Variants in MTMR12 observed in about 807,000 individuals in gnomAD.
MTMR12 encodes the protein myotubularin-related protein 12.
In MTMR12, 33 loss-of-function variants were observed where a neutral mutation model predicts 96.7. That is an observed-to-expected ratio of 0.34 (90% CI 0.26 to 0.46). MTMR12 has a LOEUF of 0.46. Among genes scored for constraint, MTMR12 ranks in the 20% least tolerant of loss-of-function variants. The probability of loss-of-function intolerance (pLI) is 1.00; values close to 1 mark genes in which losing one functional copy is unlikely to be tolerated. For missense variants in MTMR12, 721 were observed against 896.1 expected (o/e 0.80, Z 2.49); for synonymous variants, 298 against 327.2 (o/e 0.91, Z 0.96).
intron 1 of MTMR12, among the ~76,000 whole-genome samples, chr5:32,306,694 T>C (rs1283700150): frequency 6.6e-6 from 1 of 152,222 alleles, no homozygotes; most frequent in Non-Finnish European, 1.5e-5. Context: ...AGAGAGTTTT[T>C]ATCTCTGTTC....
chr5:32,241,972 T>G, intron 12 of MTMR12, 85 bp downstream of exon 12: 2 of 1,147,406 alleles, frequency 1.7e-6, no homozygotes, highest in Non-Finnish European at 2.6e-6. Flanking sequence ...TCCTTTTGTT[T>G]CCAAATACAT....
Position 32,228,918 on chromosome 5 carries a change from G to A in MTMR12, c.*860C>T, listed in dbSNP as rs1169691981. ...GCAGGCAAGTAGAAAAAGGCGAAGCGATTTGTTCCAAACAAGGAGAGACTC... is the reference window on the plus strand; with the variant it reads ...GCAGGCAAGTAGAAAAAGGCGAAGCAATTTGTTCCAAACAAGGAGAGACTC... On this transcript the variant is annotated 3_prime_UTR_variant, in exon 16 of 16. Transcript: ENST00000382142. 2.0e-5 allele frequency: 3 copies of A among 151,908 alleles called. No individual in the cohort carries two copies. The highest frequency in any genetic ancestry group is 7.3e-5 in the African/African-American group (3 of 41,310). The allele number at this position is 151,908 out of a possible 1,614,324, so 9.4% of individuals were successfully genotyped here. A position where few individuals can be genotyped will look rare whatever the true frequency, so the allele number is the denominator to read the frequency against.
intron 5 of MTMR12, among the ~76,000 whole-genome samples, chr5:32,269,569 T>G (rs886466889): frequency 1.3e-5 from 2 of 152,206 alleles, no homozygotes; most frequent in Non-Finnish European, 2.9e-5. Flanking sequence ...CCTCCCAAAG[T>G]GCTGAGATTG....
At chr5:32,240,623 CAG>C (rs1288039191) in intron 12 of MTMR12, among the ~76,000 whole-genome samples, 3 of 152,094 alleles carry the variant, frequency 2.0e-5, no homozygotes, top group East Asian at 3.9e-4. Context: ...TTTTTGGAGA[CAG>C]AGTCTCACTC....
chr5:32,274,664 C>T (rs371940939), intron 2 of MTMR12, among the ~76,000 whole-genome samples: 7 of 152,268 alleles, frequency 4.6e-5, no homozygotes, highest in African/African-American at 1.2e-4. Flanking sequence ...GAGGTGTTGC[C>T]GCCTTCCACA....
chr5:32,289,353 C>T (rs994513475), intron 1 of MTMR12, among the ~76,000 whole-genome samples: 1 of 152,198 alleles, frequency 6.6e-6, no homozygotes, highest in African/African-American at 2.4e-5. Context: ...AATTTCCAGA[C>T]TTGAGCCAGT....
At chr5:32,243,436 A>G in intron 11 of MTMR12, 85 bp downstream of exon 11, 1 of 922,140 alleles carries the variant, frequency 1.1e-6, no homozygotes, top group Non-Finnish European at 1.7e-6. Flanking sequence ...TCAAATATCA[A>G]ACAGTTAAAT....
chr5:32,297,807 G>C (rs551711017), intron 1 of MTMR12, among the ~76,000 whole-genome samples: 3 of 152,122 alleles, frequency 2.0e-5, no homozygotes, highest in African/African-American at 7.2e-5. Flanking sequence ...CCAAATACCA[G>C]TATAAGCCTC....
intron 13 of MTMR12, among the ~76,000 whole-genome samples, chr5:32,236,759 C>T (rs940820026): frequency 6.6e-6 from 1 of 151,752 alleles, no homozygotes; most frequent in African/African-American, 2.4e-5. Context: ...ATCACTTGAA[C>T]CCAGGAAGAG....
In MTMR12 at chr5:32,235,054, C is replaced by T; in HGVS notation, c.1420G>A (p.Glu474Lys). ...TCTGACAAAACAGTCAGGTAAGTCT[C>T]TGTGAATTCAAATGCCGGGGGATGC... ...HQHPPAFEFT[E>K]TYLTVLSDSL... The change falls in exon 14 of 16, where the codon GAG becomes AAG. Residue 474 changes from glutamate (E) to lysine (K), a missense_variant. By Grantham distance (56) the Glu-to-Lys change is moderately conservative (BLOSUM62 1). Transcript: ENST00000382142. 6.2e-7 allele frequency: 1 copy of T among 1,614,094 alleles called. No homozygotes were observed. Among genetic ancestry groups the T allele is most frequent in the Non-Finnish European group, 8.5e-7 (1 of 1,179,966 alleles).
chr5:32,297,489 T>C (rs111502622), intron 1 of MTMR12, among the ~76,000 whole-genome samples: 2,719 of 152,210 alleles, frequency 0.018, 84 homozygotes, highest in African/African-American at 0.064. Context: ...GCAATACTTA[T>C]TCACTTGGCC....
intron 1 of MTMR12, among the ~76,000 whole-genome samples, chr5:32,293,142 A>G (rs945705016): frequency 6.6e-6 from 1 of 152,148 alleles, no homozygotes; most frequent in East Asian, 1.9e-4. Flanking sequence ...GGAGATGTGT[A>G]TGGGTTCAAG....
intron 1 of MTMR12, among the ~76,000 whole-genome samples, chr5:32,299,942 C>T (rs1038399940): frequency 2.0e-5 from 3 of 152,140 alleles, no homozygotes; most frequent in African/African-American, 7.2e-5. Flanking sequence ...CCAAGTCCTA[C>T]ACAGCTTTTG....
At chr5:32,232,270 C>T (rs1306010934) in intron 15 of MTMR12, among the ~76,000 whole-genome samples, 1 of 152,244 alleles carries the variant, frequency 6.6e-6, no homozygotes, top group Non-Finnish European at 1.5e-5. Flanking sequence ...GGCCGCTCAA[C>T]ACATTGCTCC....
intron 10 of MTMR12, among the ~76,000 whole-genome samples, chr5:32,244,162 C>T (rs984529320): frequency 5.3e-5 from 8 of 152,028 alleles, no homozygotes; most frequent in African/African-American, 1.9e-4. Flanking sequence ...TGCCTATAAT[C>T]CCAGCACTAT....
rs1304330832 is a variant in MTMR12, at chr5:32,261,749, G to A, written c.713+1364C>T. On this transcript the variant is annotated intron_variant, in intron 7 of 15. Coordinates refer to ENST00000382142, the MANE Select transcript of MTMR12 (RefSeq NM_001040446.3). ...AAATGGAAGGCAGTCAAAAATTTTT[G>A]GTGAATGAATAAAAGAAGTGCTCAA... Among the ~76,000 whole-genome samples the A allele has an allele frequency of 2.0e-5, 3 of 152,136 alleles. No homozygotes were observed. The East Asian group carries it at 5.8e-4, about 29-fold the overall frequency.
chr5:32,243,277 T>C (rs1748549518), intron 11 of MTMR12, among the ~76,000 whole-genome samples: 1 of 152,266 alleles, frequency 6.6e-6, no homozygotes, highest in Non-Finnish European at 1.5e-5. Context: ...GTTGTCACAC[T>C]CTTTCTGTGT....
At chr5:32,241,996 C>T (rs1379491891) in intron 12 of MTMR12, 61 bp downstream of exon 12, 155 of 1,413,226 alleles carry the variant, frequency 1.1e-4, no homozygotes, top group Non-Finnish European at 1.4e-4. Context: ...GCTACATATA[C>T]AAAAATTGAA....
intron 2 of MTMR12, among the ~76,000 whole-genome samples, chr5:32,275,446 G>A (rs1750011967): frequency 6.6e-6 from 1 of 152,186 alleles, no homozygotes; most frequent in Non-Finnish European, 1.5e-5. Context: ...CTCTCCCCAA[G>A]ACCAGGCCAG....
Sources: allele counts gnomAD v4.1 joint callset (sites outside exome capture counted in the v4.1 genomes callset), GRCh38; gene constraint gnomAD v4.1.1; transcripts MANE v1.5; gene names NCBI Gene and HGNC (gene_info 2026-07-23, HGNC 2026-07-21).